SNPH: variants seen among roughly 807,000 people sequenced by gnomAD.
SNPH encodes syntaphilin.
Under a neutral mutation model 36.8 loss-of-function variants are expected in SNPH, and 10 were observed. The ratio of observed to expected loss-of-function variants is 0.27; its 90% CI spans 0.17 to 0.46. The LOEUF is 0.46. SNPH is among the 20% of genes least tolerant of loss of function. SNPH has a pLI of 1.00. For missense variants in SNPH, 622 were observed against 744.0 expected (o/e 0.84, Z 1.91); for synonymous variants, 281 against 312.2 (o/e 0.90, Z 1.05).
At chr20:1,295,149 A>T (rs568772474) in intron 3 of SNPH, among the ~76,000 whole-genome samples, 171 bp downstream of exon 3, 1 of 152,054 alleles carries the variant, frequency 6.6e-6, no homozygotes, top group East Asian at 1.9e-4. Context: ...AGGTCTCTGG[A>T]GCTGGCACAG....
rs1270374780 is a variant in SNPH at position 1,285,505 on chromosome 20, C to T, written c.-492-9446C>T. On this transcript the variant is annotated intron_variant, in intron 2 of 6. Coordinates refer to ENST00000381867, the MANE Select transcript of SNPH (RefSeq NM_001318234.2). This position sits in a 1 kb window ranked among gnomAD's most constrained non-coding sequence, Gnocchi z 4.9. ...GCGAATAAATAATTACTGCTATTTA[C>T]GGAGTGCTGTCCCTATGCCAGGTCC... Among the ~76,000 whole-genome samples the T allele has an allele frequency of 2.0e-5, 3 of 152,232 alleles. No individual in the cohort carries two copies. Among genetic ancestry groups the T allele is most frequent in the African/African-American group, 4.8e-5 (2 of 41,530 alleles).
chr20:1,266,806 G>A lies in SNPH; in HGVS notation c.-493+46G>A. On this transcript the variant is annotated intron_variant, in intron 2 of 6. Transcript: ENST00000381867. This position sits in a 1 kb window ranked among gnomAD's most constrained non-coding sequence, Gnocchi z 6.0. The stretch of plus-strand genomic sequence containing the variant: ...CGGGGAGCTGGCCCTGCGCTGCACC[G>A]CGGCAGGTGGGGGCCGCTTGCAACC... 2 of 1,312,534 alleles carry A rather than the reference G, an allele frequency of 1.5e-6. No homozygotes were observed. Among genetic ancestry groups the A allele is most frequent in the Non-Finnish European group, 1.9e-6 (2 of 1,030,288 alleles). The allele number at this position is 1,312,534 out of a possible 1,614,324, so 81.3% of individuals were successfully genotyped here.
intron 2 of SNPH, among the ~76,000 whole-genome samples, chr20:1,268,462 T>C (rs547821479): frequency 1.4e-4 from 21 of 152,318 alleles, no homozygotes; most frequent in African/African-American, 5.1e-4. Flanking sequence ...CTTCCTGCTG[T>C]CATTTTCAGC....
intron 2 of SNPH, among the ~76,000 whole-genome samples, chr20:1,283,105 G>T (rs1368994526): frequency 6.6e-6 from 1 of 152,148 alleles, no homozygotes; most frequent in Non-Finnish European, 1.5e-5. Flanking sequence ...CAGAGATGGT[G>T]CTCTCTGCTT....
rs572020802 is a variant in SNPH, at chr20:1,295,403, C to T, written c.-464-373C>T. On this transcript the variant is annotated intron_variant, in intron 3 of 6. Transcript: ENST00000381867. ...GTCTACCTGCCCACTTAGCAAGAGG[C>T]CCAGTGATGGGTCTCTCTAGGCACG... is the stretch of plus-strand genomic sequence containing the variant. Among the ~76,000 whole-genome samples the T allele has an allele frequency of 2.0e-5, 3 of 152,280 alleles. No individual in the cohort carries two copies. In the East Asian group the frequency reaches 5.8e-4, roughly 29 times the overall value.
In SNPH at chr20:1,306,118, C is replaced by T; in HGVS notation, c.*64C>T. The T allele has an allele frequency of 4.9e-6, 6 of 1,236,410 alleles. No individual in the cohort carries two copies. The highest frequency in any genetic ancestry group is 2.1e-6 in the Non-Finnish European group (2 of 934,178). 76.6% of individuals were successfully genotyped at this position (1,236,410 alleles called of 1,614,324 possible). ...CTGATTGTAGGGATGCCGTTCCCCCCTCCCTTCTCCCATGGGCATCATCTT... is the reference window on the plus strand; with the variant it reads ...CTGATTGTAGGGATGCCGTTCCCCCTTCCCTTCTCCCATGGGCATCATCTT... On this transcript the variant is annotated 3_prime_UTR_variant, in exon 7 of 7. Coordinates refer to ENST00000381867, the MANE Select transcript of SNPH (RefSeq NM_001318234.2).
rs531452817 is a variant in SNPH, at chr20:1,294,130, G to A, written c.-492-821G>A. Among the ~76,000 whole-genome samples the A allele has an allele frequency of 4.1e-4, 62 of 152,342 alleles. No homozygotes were observed. The highest frequency in any genetic ancestry group is 1.1e-3 in the African/African-American group (45 of 41,582). ...GGAAAGTTGTTGGTGAAGCCAGGCCGACCTGGGCCAGAAGCCAGAGCATGT... is the reference window on the plus strand; with the variant it reads ...GGAAAGTTGTTGGTGAAGCCAGGCCAACCTGGGCCAGAAGCCAGAGCATGT... On this transcript the variant is annotated intron_variant, in intron 2 of 6. Transcript: ENST00000381867. This position sits in a 1 kb window ranked among gnomAD's most constrained non-coding sequence, Gnocchi z 4.4.
intron 2 of SNPH, among the ~76,000 whole-genome samples, chr20:1,279,744 C>A (rs1229232950): frequency 6.6e-6 from 1 of 150,644 alleles, no homozygotes; most frequent in African/African-American, 2.4e-5. Context: ...ATTTTGCAAA[C>A]AGGGAGCCTA....
In SNPH at chr20:1,266,908, T is replaced by G; in HGVS notation, c.-493+148T>G. On this transcript the variant is annotated intron_variant, in intron 2 of 6. Transcript: ENST00000381867. This position sits in a 1 kb window ranked among gnomAD's most constrained non-coding sequence, Gnocchi z 6.0. ...GTGACTCATTCTTACCCTCCCTTCA[T>G]TCCCCTACATCCCTTTAAGCGCTTC... 8.8e-7 allele frequency: 1 copy of G among 1,138,842 alleles called. No individual in the cohort carries two copies. The highest frequency in any genetic ancestry group is 1.1e-6 in the Non-Finnish European group (1 of 898,772). The allele number at this position is 1,138,842 out of a possible 1,614,324, so 70.5% of individuals were successfully genotyped here.
chr20:1,286,055 A>G (rs966626710), intron 2 of SNPH, among the ~76,000 whole-genome samples: 1 of 144,768 alleles, frequency 6.9e-6, no homozygotes. Flanking sequence ...GCGCCACTGC[A>G]CTCTAGCCTG....
At chr20:1,277,397 ATG>A (rs551648441) in intron 2 of SNPH, among the ~76,000 whole-genome samples, 2 of 144,520 alleles carry the variant, frequency 1.4e-5, no homozygotes, top group Non-Finnish European at 3.1e-5. Context: ...GTCTGTGTCT[ATG>A]TGTGTGTATG....
intron 2 of SNPH, among the ~76,000 whole-genome samples, chr20:1,288,005 A>C (rs890469648): frequency 1.3e-5 from 2 of 152,206 alleles, no homozygotes; most frequent in African/African-American, 4.8e-5. Flanking sequence ...GCCGTGGAGC[A>C]GCTGGGATGG....
intron 4 of SNPH, 83 bp from the exon 5 acceptor site, chr20:1,297,062 C>G: frequency 6.7e-7 from 1 of 1,497,142 alleles, no homozygotes; most frequent in Non-Finnish European, 8.9e-7. Flanking sequence ...CACTTTGGGC[C>G]GCAGCGGCCT....
At chr20:1,288,427 CA>C (rs999958335) in intron 2 of SNPH, among the ~76,000 whole-genome samples, 2 of 152,050 alleles carry the variant, frequency 1.3e-5, no homozygotes, top group Non-Finnish European at 2.9e-5. Flanking sequence ...TGATATGGCT[CA>C]GAGGAGCTGA....
intron 2 of SNPH, among the ~76,000 whole-genome samples, chr20:1,271,948 C>G (rs1388999735): frequency 6.6e-6 from 1 of 152,164 alleles, no homozygotes; most frequent in Non-Finnish European, 1.5e-5. Flanking sequence ...GGAATCCATC[C>G]TCGGTTAGCT....
At position 1,305,803 on chromosome 20, in the gene SNPH, G is replaced by A. The variant is rs778984007; in HGVS notation, c.1366G>A (p.Val456Met). 8.1e-6 allele frequency: 13 copies of A among 1,595,760 alleles called. No homozygotes were observed. The highest frequency in any genetic ancestry group is 7.0e-5 in the Admixed American group (4 of 57,416). ...CATGGAAGAGGAGGAGGAGGCTGCC[G>A]TGGCTGAGAAGGAGCCCAAGAGCTA... ...CPMEEEEEAAVAEKEPKSYWS... is the reference protein window; with the variant it reads ...CPMEEEEEAAMAEKEPKSYWS... Residue 456 changes from valine (V) to methionine (M), a missense_variant, in exon 7 of 7, where the codon GTG (valine) becomes ATG (methionine). Coordinates refer to ENST00000381867, the MANE Select transcript of SNPH (RefSeq NM_001318234.2).
Position 1,305,274 on chromosome 20 carries a change from C to T in SNPH, c.837C>T (p.Gly279=), listed in dbSNP as rs756254539. ...GDRQPGDPSS[G]SAEDGADSGF... is the part of the protein sequence containing the mutation. ...GCCAGCCGGGTGATCCCTCCAGCGG[C>T]TCTGCTGAGGATGGGGCAGACAGTG... Residue 279 remains glycine (G), a synonymous_variant, in exon 7 of 7, where the codon GGC becomes GGT. Transcript: ENST00000381867. 11 of 1,610,904 alleles carry T rather than the reference C, an allele frequency of 6.8e-6. No homozygotes were observed. In the East Asian group the frequency reaches 2.2e-4, roughly 33 times the overall value.
At chr20:1,298,515 G>A (rs1230050140) in intron 5 of SNPH, among the ~76,000 whole-genome samples, 2 of 152,250 alleles carry the variant, frequency 1.3e-5, no homozygotes, top group Admixed American at 1.3e-4. Context: ...GAGACTGGGG[G>A]ACATAGGAGT....
At chr20:1,299,185 T>C (rs2088476146) in intron 5 of SNPH, among the ~76,000 whole-genome samples, 1 of 152,172 alleles carries the variant, frequency 6.6e-6, no homozygotes, top group Admixed American at 6.5e-5. Flanking sequence ...TTACAAGTAC[T>C]TTTTCCTCGG....
Sources: gnomAD v4.1 joint callset for allele counts (sites outside exome capture counted in the v4.1 genomes callset) on GRCh38, gnomAD v4.1.1 for gene constraint, Gnocchi (gnomAD v3.1) non-coding constraint, MANE v1.5 for transcripts, NCBI Gene and HGNC (gene_info 2026-07-23, HGNC 2026-07-21) for gene names.